PPFIA3: variants seen among roughly 807,000 people sequenced by gnomAD.
The protein encoded by PPFIA3 is PPFI scaffold protein A3.
A neutral mutation model predicts 145.8 loss-of-function variants in PPFIA3; 26 were observed. That is an observed-to-expected ratio of 0.18 (90% confidence interval 0.13 to 0.25). PPFIA3 has a LOEUF of 0.25. Among genes scored for constraint, PPFIA3 ranks in the 10% least tolerant of loss-of-function variants. The pLI is 1.00. For missense variants in PPFIA3, 1,008 were observed against 1,587.8 expected, an observed-to-expected ratio of 0.63 and a Z score of 6.21; for synonymous variants, 645 against 661.4, an observed-to-expected ratio of 0.98 and a Z score of 0.38.
intron 1 of PPFIA3, among the ~76,000 whole-genome samples, chr19:49,126,722 C>G (rs556959764): frequency 6.6e-6 from 1 of 152,068 alleles, no homozygotes; most frequent in South Asian, 2.1e-4. Flanking sequence ...TCCTAGTGAC[C>G]TAATCCTGGG....
intron 15 of PPFIA3, 135 bp from the exon 16 acceptor site, chr19:49,138,070 G>A (rs2041162805): frequency 7.4e-7 from 1 of 1,344,988 alleles, no homozygotes; most frequent in Non-Finnish European, 9.6e-7. Flanking sequence ...ACCCACCAAA[G>A]TCCTCTGACG....
In PPFIA3 at chr19:49,149,568, C is replaced by T. The variant is rs1262651994; in HGVS notation, c.3376C>T (p.Arg1126Cys). The T allele has an allele frequency of 1.2e-6, 2 of 1,614,216 alleles. No homozygotes were observed. Among genetic ancestry groups the T allele is most frequent in the South Asian group, 1.1e-5 (1 of 91,078 alleles). ...CTAGGACAGCGCCAAGTCTTTCAGC[C>T]GCTCCCCATCCTGGCGGAAGATGTT... ...LDEDSAKSFS[R>C]SPSWRKMFRE... is the part of the protein sequence containing the mutation. Residue 1126 changes from arginine (R) to cysteine (C), a missense_variant, in exon 28 of 30, where the codon CGC becomes TGC. Arg to Cys is a radical substitution (Grantham distance 180). Around this residue, in one of 11 missense-constraint regions of PPFIA3, gnomAD observed 125 missense variants for 159.3 expected, o/e 0.78. Transcript: ENST00000334186. The surrounding 1 kb of genome is among the most constrained non-coding windows in gnomAD (Gnocchi z 5.7).
rs1418585140 is a variant in PPFIA3 at position 49,150,503 on chromosome 19, GA to G, written c.*282del. 5.3e-6 allele frequency: 1 copy of G among 189,522 alleles called. No homozygotes were observed. The highest frequency in any genetic ancestry group is 1.1e-5 in the Non-Finnish European group (1 of 92,050). 11.7% of individuals were successfully genotyped at this position (189,522 alleles called of 1,614,324 possible). Reference sequence around the variant, plus strand: ...CCTTTTCTCTACTTTGTAATTTATTGATCAGTTTCTGTTGGGAGACGGGTGT... The same window carrying G: ...CCTTTTCTCTACTTTGTAATTTATTGTCAGTTTCTGTTGGGAGACGGGTGT... On this transcript the variant is annotated 3_prime_UTR_variant, in exon 30 of 30. Transcript: ENST00000334186.
chr19:49,148,518 T>C, intron 24 of PPFIA3, 148 bp from the exon 25 acceptor site: 1 of 745,316 alleles, frequency 1.3e-6, no homozygotes, highest in Non-Finnish European at 2.2e-6. Context: ...TGAAAATGCC[T>C]CACCTCCTGA....
intron 1 of PPFIA3, among the ~76,000 whole-genome samples, chr19:49,123,680 GATCC>G (rs1467986551): frequency 2.0e-5 from 3 of 151,916 alleles, no homozygotes; most frequent in African/African-American, 7.3e-5. Context: ...GACCTCAAAT[GATCC>G]CCCGGGCTCA....
chr19:49,148,530 G>A, intron 24 of PPFIA3, 136 bp from the exon 25 acceptor site: 1 of 785,728 alleles, frequency 1.3e-6, no homozygotes, highest in Admixed American at 2.4e-5. Context: ...ACCTCCTGAG[G>A]GGGTCAACAG....
In PPFIA3 at chr19:49,136,771, TG is replaced by T; in HGVS notation, c.1717del (p.Glu573AsnfsTer47). 6.3e-7 allele frequency: 1 copy of T among 1,583,370 alleles called. No homozygotes were observed. The highest frequency in any genetic ancestry group is 8.6e-7 in the Non-Finnish European group (1 of 1,163,982). On this transcript the variant is annotated frameshift_variant, in exon 15 of 30. Coordinates refer to ENST00000334186, the MANE Select transcript of PPFIA3 (RefSeq NM_003660.4). LOFTEE classifies it high-confidence loss of function. ...PAGSIPPPFP[G>X]ELDGSDEEEA... ...CGGGCTCCATACCACCCCCATTCCC[TG>T]GGGAACTGGACGGCTCCGATGAGGA...
intron 22 of PPFIA3, 52 bp downstream of exon 22, chr19:49,146,057 G>T (rs768745876): frequency 6.2e-7 from 1 of 1,608,690 alleles, no homozygotes; most frequent in East Asian, 2.2e-5. Flanking sequence ...TTCTTTGGGG[G>T]TGGGGGCGGG....
chr19:49,141,654 GGT>G (rs2041225580), intron 19 of PPFIA3, 141 bp downstream of exon 19: 1 of 595,204 alleles, frequency 1.7e-6, no homozygotes, highest in Non-Finnish European at 2.7e-6. Flanking sequence ...CGGTGGTGGT[GGT>G]GAACAGAAAT....
rs2122602581 is a variant in PPFIA3, at chr19:49,138,398, A to G, written c.2047A>G (p.Ser683Gly). ...GHSTPRLAPP[S>G]PAREGTDKAN... ...CTCAACACCCCGCCTGGCACCCCCT[A>G]GCCCTGCCCGTGAGGGCACCGACAA... The change falls in exon 16 of 30, where the codon AGC becomes GGC. Residue 683 changes from serine to glycine, a missense_variant. Coordinates refer to ENST00000334186, the MANE Select transcript of PPFIA3 (RefSeq NM_003660.4). 1 of 1,569,864 alleles carries G rather than the reference A, an allele frequency of 6.4e-7. No individual in the cohort carries two copies. The highest frequency in any genetic ancestry group is 2.3e-5 in the East Asian group (1 of 43,910).
chr19:49,123,419 G>A (rs1042223177), intron 1 of PPFIA3, among the ~76,000 whole-genome samples: 1 of 151,876 alleles, frequency 6.6e-6, no homozygotes, highest in East Asian at 1.9e-4. Flanking sequence ...ACAAGCATGA[G>A]CCACTGTGCC....
intron 23 of PPFIA3, chr19:49,146,409 C>G: frequency 1.6e-6 from 1 of 616,832 alleles, no homozygotes; most frequent in Non-Finnish European, 2.8e-6. Flanking sequence ...GCATAGTCAG[C>G]CTTATGCATG....
At position 49,149,854 on chromosome 19, in the gene PPFIA3, G is replaced by T; in HGVS notation, c.3526+136G>T. 8.2e-7 allele frequency: 1 copy of T among 1,223,110 alleles called. No homozygotes were observed. The allele number at this position is 1,223,110 out of a possible 1,614,324, so 75.8% of individuals were successfully genotyped here. On this transcript the variant is annotated intron_variant, in intron 28 of 29. Coordinates refer to ENST00000334186, the MANE Select transcript of PPFIA3 (RefSeq NM_003660.4). The surrounding 1 kb of genome is among the most constrained non-coding windows in gnomAD (Gnocchi z 5.7). ...AGGAATGGACTGCTCCAACGTTCCGGACTCCCCCGTCAGGATGAAATGGAT... is the reference window on the plus strand; with the variant it reads ...AGGAATGGACTGCTCCAACGTTCCGTACTCCCCCGTCAGGATGAAATGGAT...
rs1249470569 is a variant in PPFIA3 at position 49,149,408 on chromosome 19, A to G, written c.3354+83A>G. 1.3e-6 allele frequency: 2 copies of G among 1,585,872 alleles called. No homozygotes were observed. The highest frequency in any genetic ancestry group is 2.7e-5 in the African/African-American group (2 of 74,240). ...CTGAGGGGGCGGGGCCTGACTATTA[A>G]TGGTCACGGTTGGAGGCGGGGCCAG... On this transcript the variant is annotated intron_variant, in intron 27 of 29. Transcript: ENST00000334186. The surrounding 1 kb of genome is among the most constrained non-coding windows in gnomAD (Gnocchi z 5.7).
intron 20 of PPFIA3, 98 bp from the exon 21 acceptor site, chr19:49,142,706 A>AC: frequency 1.3e-5 from 8 of 616,692 alleles, no homozygotes; most frequent in Non-Finnish European, 2.0e-5. Context: ...TTCGCTCCCC[A>AC]CCCCCTTGCC....
At chr19:49,143,396 G>A (rs1226130759) in intron 21 of PPFIA3, among the ~76,000 whole-genome samples, 1 of 151,812 alleles carries the variant, frequency 6.6e-6, no homozygotes, top group Non-Finnish European at 1.5e-5. Flanking sequence ...TTTGGAGACA[G>A]AGTTTCGCTC....
Position 49,148,619 on chromosome 19 carries a change from AGGG to A in PPFIA3, c.3012-45_3012-43del, listed in dbSNP as rs1397303426. ...GAGGGACCCGTAGGAGCAGCAGTCTAGGGGACTGGAAAGCTCATCCGTGACTCC... is the reference window on the plus strand; with the variant it reads ...GAGGGACCCGTAGGAGCAGCAGTCTAGACTGGAAAGCTCATCCGTGACTCC... On this transcript the variant is annotated intron_variant, in intron 24 of 29. Coordinates refer to ENST00000334186, the MANE Select transcript of PPFIA3 (RefSeq NM_003660.4). 1.1e-5 allele frequency: 16 copies of A among 1,446,558 alleles called. No individual in the cohort carries two copies. The Admixed American group carries it at 2.6e-4, about 24-fold the overall frequency. 89.6% of individuals were successfully genotyped at this position (1,446,558 alleles called of 1,614,324 possible).
intron 14 of PPFIA3, among the ~76,000 whole-genome samples, chr19:49,136,181 G>A (rs1464024127): frequency 6.6e-6 from 1 of 152,160 alleles, no homozygotes; most frequent in Admixed American, 6.5e-5. Flanking sequence ...CAGAGTAGGT[G>A]GGGTTAGGTG....
intron 7 of PPFIA3, among the ~76,000 whole-genome samples, 200 bp from the exon 8 acceptor site, chr19:49,132,801 T>C (rs2041091269): frequency 6.6e-6 from 1 of 152,126 alleles, no homozygotes; most frequent in African/African-American, 2.4e-5. Flanking sequence ...TAGAAGCTCA[T>C]GGGAGGTGTA....
Sources: allele counts gnomAD v4.1 joint callset (sites outside exome capture counted in the v4.1 genomes callset), GRCh38; gene constraint gnomAD v4.1.1; regional missense constraint gnomAD v4.1.1; non-coding constraint Gnocchi (gnomAD v3.1); transcripts MANE v1.5; gene names NCBI Gene and HGNC (gene_info 2026-07-23, HGNC 2026-07-21).